The following THSD7B variants were observed in gnomAD, a reference collection of about 807,000 sequenced individuals.
THSD7B encodes the protein thrombospondin type 1 domain containing 7B.
Under a neutral mutation model 213.6 loss-of-function variants are expected in THSD7B, and 138 were observed. That is an observed-to-expected ratio of 0.65 (90% confidence interval 0.56 to 0.74). THSD7B has a LOEUF of 0.74. THSD7B is among the 30% of genes least tolerant of loss of function. The pLI is 0.00. For synonymous variants in THSD7B, 742 were observed against 687.0 expected, an observed-to-expected ratio of 1.08 and a Z score of -1.25; for missense variants, 1,931 against 1,991.5, an observed-to-expected ratio of 0.97 and a Z score of 0.58.
chr2:136,912,391 G>A (rs1056921771), intron 2 of THSD7B, among the ~76,000 whole-genome samples: 4 of 150,984 alleles, frequency 2.6e-5, no homozygotes, highest in African/African-American at 7.3e-5. Context: ...GTATGTGTGC[G>A]AGACTCCCTC....
chr2:137,491,550 A>G (rs1224413472), intron 15 of THSD7B, among the ~76,000 whole-genome samples: 2 of 152,196 alleles, frequency 1.3e-5, no homozygotes, highest in Admixed American at 1.3e-4. Context: ...CAATATTTTT[A>G]GCTAAATGGA....
At chr2:137,564,612 C>A (rs1426397216) in intron 16 of THSD7B, among the ~76,000 whole-genome samples, 1 of 152,112 alleles carries the variant, frequency 6.6e-6, no homozygotes, top group Non-Finnish European at 1.5e-5. Context: ...TGTAAATGAG[C>A]TGTGGCATCT....
At chr2:137,265,096 C>A (rs200780925) in intron 10 of THSD7B, among the ~76,000 whole-genome samples, 4,065 of 152,036 alleles carry the variant, frequency 0.027, 105 homozygotes, top group Middle Eastern at 0.092. Context: ...TTTGTTCTTG[C>A]GATAGTTTAC....
chr2:136,876,288 G>A (rs1649548), intron 1 of THSD7B, among the ~76,000 whole-genome samples: 130,745 of 152,176 alleles, frequency 0.86, 56,539 homozygotes, highest in Non-Finnish European at 0.91. Flanking sequence ...CTTTCCCAGG[G>A]GTATATTTTT....
intron 2 of THSD7B, among the ~76,000 whole-genome samples, chr2:136,960,216 C>T (rs1418704910): frequency 6.6e-6 from 1 of 152,152 alleles, no homozygotes; most frequent in Admixed American, 6.5e-5. Context: ...TGGCCTCCAC[C>T]TCCCAGGCTC....
chr2:137,029,755 A>G (rs1347751422), intron 2 of THSD7B, among the ~76,000 whole-genome samples: 2 of 152,158 alleles, frequency 1.3e-5, no homozygotes, highest in African/African-American at 4.8e-5. Context: ...GTTTATCTAC[A>G]AGAGAGGAGG....
At chr2:137,100,888 T>C (rs1249454519) in intron 4 of THSD7B, among the ~76,000 whole-genome samples, 1 of 137,378 alleles carries the variant, frequency 7.3e-6, no homozygotes, top group African/African-American at 3.2e-5. Flanking sequence ...CATCCAGCTT[T>C]CCAGAAAAAA....
chr2:137,229,327 A>G (rs1364131381), intron 7 of THSD7B, among the ~76,000 whole-genome samples: 1 of 151,664 alleles, frequency 6.6e-6, no homozygotes, highest in East Asian at 1.9e-4. Context: ...GCCTGCTTCT[A>G]TACTTGTGAA....
At chr2:137,078,678 A>G (rs1234361349) in intron 3 of THSD7B, among the ~76,000 whole-genome samples, 2 of 151,734 alleles carry the variant, frequency 1.3e-5, no homozygotes, top group Admixed American at 6.6e-5. Flanking sequence ...TCATTTTCCA[A>G]CTGTCTGAAT....
chr2:136,936,191 G>A (rs937575640), intron 2 of THSD7B, among the ~76,000 whole-genome samples: 3 of 151,982 alleles, frequency 2.0e-5, no homozygotes, highest in Non-Finnish European at 4.4e-5. Flanking sequence ...CGTGGATGTG[G>A]TGAAAAGCGA....
At chr2:137,644,090 G>A (rs775842752) in intron 21 of THSD7B, among the ~76,000 whole-genome samples, 1 of 152,244 alleles carries the variant, frequency 6.6e-6, no homozygotes, top group Admixed American at 6.5e-5. Flanking sequence ...TGGGTGGAGG[G>A]TTATGGCATC....
intron 12 of THSD7B, among the ~76,000 whole-genome samples, chr2:137,278,818 G>A (rs895920611): frequency 6.6e-5 from 10 of 152,022 alleles, no homozygotes; most frequent in African/African-American, 1.4e-4. Context: ...GCACTTATCC[G>A]GATTCATAGA....
chr2:137,466,906 C>T (rs1688002931), intron 15 of THSD7B, among the ~76,000 whole-genome samples: 5 of 152,066 alleles, frequency 3.3e-5, no homozygotes, highest in African/African-American at 1.2e-4. Flanking sequence ...GCTTCATCCT[C>T]TGGTTGTTAG....
chr2:137,282,029 A>T (rs887340384), intron 12 of THSD7B, among the ~76,000 whole-genome samples: 2 of 152,018 alleles, frequency 1.3e-5, no homozygotes, highest in African/African-American at 4.8e-5. Context: ...AACAGTGTAA[A>T]AGTGTTCCTA....
At chr2:136,960,728 A>G (rs773161626) in intron 2 of THSD7B, among the ~76,000 whole-genome samples, 5 of 152,076 alleles carry the variant, frequency 3.3e-5, no homozygotes, top group Non-Finnish European at 5.9e-5. Context: ...AGTTGCTTAT[A>G]TCTTTACAAA....
intron 3 of THSD7B, among the ~76,000 whole-genome samples, chr2:137,075,081 A>G (rs996588091): frequency 9.2e-5 from 14 of 152,026 alleles, no homozygotes; most frequent in Non-Finnish European, 4.4e-5. Context: ...TGCTCTTCTC[A>G]AGGAGTATCT....
intron 9 of THSD7B, 126 bp downstream of exon 9, chr2:137,233,259 G>A: frequency 1.2e-6 from 1 of 850,682 alleles, no homozygotes. Flanking sequence ...TGTTGTTGCT[G>A]TTTGACCATT....
At chr2:137,485,514 A>G (rs1485870996) in intron 15 of THSD7B, among the ~76,000 whole-genome samples, 1 of 152,134 alleles carries the variant, frequency 6.6e-6, no homozygotes, top group Admixed American at 6.6e-5. Context: ...GGCCAAATCT[A>G]CGTCTGATTG....
intron 20 of THSD7B, among the ~76,000 whole-genome samples, chr2:137,626,358 G>C (rs544668534): frequency 6.6e-6 from 1 of 152,022 alleles, no homozygotes; most frequent in Admixed American, 6.5e-5. Flanking sequence ...CAGCTACTCA[G>C]GAGGCTGAGG....
Sources: allele counts gnomAD v4.1 joint callset (sites outside exome capture counted in the v4.1 genomes callset), GRCh38; gene constraint gnomAD v4.1.1; transcripts MANE v1.5; gene names NCBI Gene and HGNC (gene_info 2026-07-23, HGNC 2026-07-21).